UNC80: variants seen among roughly 807,000 people sequenced by gnomAD.
UNC80 encodes protein unc-80 homolog.
UNC80 carries 164 observed loss-of-function variants against 384.6 expected under a neutral mutation model. The ratio of observed to expected loss-of-function variants is 0.43; its 90% CI spans 0.38 to 0.49. UNC80 has a LOEUF of 0.49. Ranked by LOEUF, UNC80 falls within the 20% of genes least tolerant of loss-of-function variation. UNC80 has a pLI of 0.00. For synonymous variants in UNC80, 1,486 were observed against 1,527.8 expected (o/e 0.97, Z 0.64); for missense variants, 3,330 against 4,143.0 (o/e 0.80, Z 5.39).
chr2:209,990,071 G>A (rs897004631), intron 61 of UNC80, among the ~76,000 whole-genome samples: 2 of 152,034 alleles, frequency 1.3e-5, no homozygotes, highest in African/African-American at 2.4e-5. Flanking sequence ...AACTTGATAC[G>A]TCTCTTAGAT....
At chr2:209,875,055 G>T (rs528269822) in intron 23 of UNC80, among the ~76,000 whole-genome samples, 16 of 152,008 alleles carry the variant, frequency 1.1e-4, no homozygotes, top group Non-Finnish European at 1.9e-4. Flanking sequence ...TTTCCTATTT[G>T]GTCTTCTCCT....
At chr2:209,860,114 T>C (rs2083242912) in intron 22 of UNC80, among the ~76,000 whole-genome samples, 1 of 152,212 alleles carries the variant, frequency 6.6e-6, no homozygotes, top group Admixed American at 6.5e-5. Context: ...GAAGCCTGTG[T>C]CCTGAATGGT....
chr2:209,773,612 G>C (rs1184970005), intron 2 of UNC80, among the ~76,000 whole-genome samples: 1 of 152,164 alleles, frequency 6.6e-6, no homozygotes, highest in South Asian at 2.1e-4. Context: ...GGGTGGGGCG[G>C]GATCGAGTGG....
chr2:209,805,699 T>G (rs1267533384), intron 7 of UNC80, among the ~76,000 whole-genome samples: 1 of 151,998 alleles, frequency 6.6e-6, no homozygotes, highest in South Asian at 2.1e-4. Context: ...TGGATGCTTT[T>G]ATAACCTAAT....
At chr2:209,818,931 C>A (rs1236437908) in intron 11 of UNC80, 62 bp from the exon 12 acceptor site, 23 of 1,492,176 alleles carry the variant, frequency 1.5e-5, no homozygotes, top group Non-Finnish European at 1.4e-5. Flanking sequence ...AATAGTATAA[C>A]TGTCTAACTG....
chr2:209,957,680 A>G lies in UNC80; in HGVS notation c.7494A>G (p.Gln2498=), dbSNP rs1235519747. The G allele has an allele frequency of 5.2e-6, 8 of 1,551,496 alleles. No individual in the cohort carries two copies. Among genetic ancestry groups the G allele is most frequent in the Non-Finnish European group, 6.1e-6 (7 of 1,146,862 alleles). ...CCCCACAGATGAGCAGGTGTGACCA[A>G]GGTCATAAGGGAACCACCACAGCCA... ...MTAPQMSRCD[Q]GHKGTTTANH... The change falls in exon 49 of 65, where the codon CAA becomes CAG. Residue 2498 remains glutamine (Q), a synonymous_variant. Transcript: ENST00000673920.
intron 29 of UNC80, among the ~76,000 whole-genome samples, chr2:209,906,321 C>A (rs1385023228): frequency 3.9e-5 from 6 of 152,038 alleles, no homozygotes; most frequent in Non-Finnish European, 8.8e-5. Flanking sequence ...ACAAAATATT[C>A]TTTAAAAATT....
intron 58 of UNC80, among the ~76,000 whole-genome samples, chr2:209,977,487 CA>C (rs2093042644): frequency 6.6e-6 from 1 of 151,968 alleles, no homozygotes; most frequent in Admixed American, 6.5e-5. Context: ...TTAATCTATA[CA>C]AATACCTTCA....
In UNC80 at chr2:209,944,902, G is replaced by A. The variant is rs1177664704; in HGVS notation, c.7051-149G>A. 4.6e-6 allele frequency: 4 copies of A among 861,494 alleles called. No individual in the cohort carries two copies. The African/African-American group carries it at 6.8e-5, about 15-fold the overall frequency. 53.4% of individuals were successfully genotyped at this position (861,494 alleles called of 1,614,324 possible). On this transcript the variant is annotated intron_variant, in intron 45 of 64. Transcript: ENST00000673920. ...TGTACCACTCCAAAATCATACCACA[G>A]CATTGCGGGATCCAGAATTATGTAA...
In UNC80 at chr2:209,771,913, G is replaced by A; in HGVS notation, c.-160G>A. ...AGCCATGTTCCACGCGCGGGGAGGG[G>A]TGGGGGGAGGGGAGAGGCACGGGGG... On this transcript the variant is annotated 5_prime_UTR_variant, in exon 1 of 65. In the 5' UTR this introduces an upstream ATG that the reference lacks. Transcript: ENST00000673920. 1.6e-6 allele frequency: 1 copy of A among 631,028 alleles called. No homozygotes were observed. The allele number at this position is 631,028 out of a possible 1,614,324, so 39.1% of individuals were successfully genotyped here. A position where few individuals can be genotyped will look rare whatever the true frequency, so the allele number is the denominator to read the frequency against.
chr2:209,803,925 C>T (rs1191991151), intron 7 of UNC80, among the ~76,000 whole-genome samples: 3 of 151,964 alleles, frequency 2.0e-5, no homozygotes, highest in African/African-American at 4.8e-5. Flanking sequence ...TTTGTAGAGA[C>T]GTGGTCTTGC....
chr2:209,921,778 G>A, intron 34 of UNC80, 92 bp downstream of exon 34: 1 of 1,320,054 alleles, frequency 7.6e-7, no homozygotes. Context: ...GTGACATGAG[G>A]TGATATGCCC....
intron 7 of UNC80, chr2:209,808,760 G>A (rs1207520948): frequency 4.6e-5 from 2 of 43,688 alleles, no homozygotes; most frequent in Admixed American, 5.6e-4. Flanking sequence ...TGGGTCGCCT[G>A]CGCTACTTCT....
At chr2:209,896,793 T>A (rs1028314319) in intron 28 of UNC80, among the ~76,000 whole-genome samples, 4 of 151,998 alleles carry the variant, frequency 2.6e-5, no homozygotes, top group African/African-American at 9.7e-5. Flanking sequence ...TGGGTGTGTA[T>A]TAGATCAAAT....
At chr2:209,898,772 C>G (rs1344062549) in intron 28 of UNC80, among the ~76,000 whole-genome samples, 1 of 152,146 alleles carries the variant, frequency 6.6e-6, no homozygotes, top group African/African-American at 2.4e-5. Context: ...CCCTACTACC[C>G]TTGCCAGCCT....
chr2:209,888,189 A>C lies in UNC80; in HGVS notation c.4205A>C (p.Glu1402Ala). ...ISFAGVLDEN[E>A]DSKDSLHSSS... is the part of the protein sequence containing the mutation. The stretch of plus-strand genomic sequence containing the variant: ...TTTGCTGGGGTCCTGGACGAAAATG[A>C]AGACTCAAAAGATTCTCTCCACAGC... The change falls in exon 26 of 65, where the codon GAA (glutamate) becomes GCA (alanine). Residue 1402 changes from glutamate (E) to alanine (A), a missense_variant. Physicochemically the swap from Glu to Ala is moderately radical, Grantham distance 107. Transcript: ENST00000673920. 6.4e-7 allele frequency: 1 copy of C among 1,551,678 alleles called. No individual in the cohort carries two copies. The highest frequency in any genetic ancestry group is 8.7e-7 in the Non-Finnish European group (1 of 1,146,984).
At chr2:209,963,442 A>T (rs543701884) in intron 51 of UNC80, among the ~76,000 whole-genome samples, 1 of 152,356 alleles carries the variant, frequency 6.6e-6, no homozygotes, top group African/African-American at 2.4e-5. Context: ...TTGTCACATG[A>T]CCAGGAATTA....
intron 35 of UNC80, among the ~76,000 whole-genome samples, chr2:209,923,219 T>C (rs1575028898): frequency 6.6e-6 from 1 of 152,206 alleles, no homozygotes; most frequent in African/African-American, 2.4e-5. Context: ...TGTGTGTTTT[T>C]CTTTTGTCAT....
intron 26 of UNC80, among the ~76,000 whole-genome samples, chr2:209,890,950 T>TA (rs1255065603): frequency 3.3e-5 from 5 of 152,228 alleles, no homozygotes; most frequent in African/African-American, 1.2e-4. Flanking sequence ...TTTGCCATTT[T>TA]AAAAATTCCA....
Sources: allele counts gnomAD v4.1 joint callset (sites outside exome capture counted in the v4.1 genomes callset), GRCh38; gene constraint gnomAD v4.1.1; transcripts MANE v1.5; gene names NCBI Gene and HGNC (gene_info 2026-07-23, HGNC 2026-07-21).